SORCS3: variants seen among roughly 807,000 people sequenced by gnomAD.
The protein encoded by SORCS3 is VPS10 domain-containing receptor SorCS3.
A neutral mutation model predicts 146.3 loss-of-function variants in SORCS3; 57 were observed. That is an observed-to-expected ratio of 0.39 (90% CI 0.31 to 0.49). The LOEUF is 0.49. Among genes scored for constraint, SORCS3 ranks in the 20% least tolerant of loss-of-function variants. The pLI, the probability that SORCS3 is intolerant of heterozygous loss-of-function variation, is 0.92. For synonymous variants in SORCS3, 653 were observed against 618.5 expected (o/e 1.06, Z -0.83); for missense variants, 1,341 against 1,575.5 (o/e 0.85, Z 2.52).
At chr10:104,945,369 T>G (rs1183454215) in intron 3 of SORCS3, among the ~76,000 whole-genome samples, 2 of 152,094 alleles carry the variant, frequency 1.3e-5, no homozygotes, top group Non-Finnish European at 2.9e-5. Flanking sequence ...GTGATTCTCC[T>G]GCCTCAGCCT....
At chr10:104,960,541 T>C (rs1210993889) in intron 3 of SORCS3, among the ~76,000 whole-genome samples, 2 of 152,088 alleles carry the variant, frequency 1.3e-5, no homozygotes, top group Non-Finnish European at 2.9e-5. Flanking sequence ...ACCAACATGC[T>C]ATGCTCAGAT....
At chr10:104,937,241 G>A (rs2019269459) in intron 3 of SORCS3, among the ~76,000 whole-genome samples, 1 of 152,214 alleles carries the variant, frequency 6.6e-6, no homozygotes, top group Non-Finnish European at 1.5e-5. Flanking sequence ...CTCCTGCTGT[G>A]CAGCCCAGTT....
At chr10:104,689,294 C>T (rs187240226) in intron 1 of SORCS3, among the ~76,000 whole-genome samples, 1 of 152,324 alleles carries the variant, frequency 6.6e-6, no homozygotes, top group East Asian at 1.9e-4. Flanking sequence ...ACCTCTTCCT[C>T]CAGGAAGCCC....
chr10:104,961,159 T>G (rs2054793123), intron 3 of SORCS3, among the ~76,000 whole-genome samples: 1 of 152,194 alleles, frequency 6.6e-6, no homozygotes, highest in South Asian at 2.1e-4. Context: ...AATTCTGGGG[T>G]CCCACTGTGG....
At chr10:105,181,229 G>A (rs533456351) in intron 14 of SORCS3, among the ~76,000 whole-genome samples, 3 of 152,294 alleles carry the variant, frequency 2.0e-5, no homozygotes, top group East Asian at 3.9e-4. Flanking sequence ...TGTTGTGATT[G>A]TTGTGATTTT....
Position 105,178,136 on chromosome 10 carries a change from G to A in SORCS3, c.1972G>A (p.Ala658Thr). 1 of 1,613,610 alleles carries A rather than the reference G, an allele frequency of 6.2e-7. No homozygotes were observed. The highest frequency in any genetic ancestry group is 8.5e-7 in the Non-Finnish European group (1 of 1,179,768). ...FTSVPLFVDG[A>T]LVEAGMETHI... Reference sequence around the variant, plus strand: ...TTCGGTTCCTCTCTTTGTTGACGGGGCTCTGGTGGAGGCAGGAATGGAGAC... The same window carrying A: ...TTCGGTTCCTCTCTTTGTTGACGGGACTCTGGTGGAGGCAGGAATGGAGAC... Residue 658 changes from alanine (A) to threonine (T), a missense_variant, in exon 14 of 27, where the codon GCT becomes ACT. By Grantham distance (58) the Ala-to-Thr change is moderately conservative. Coordinates refer to ENST00000369701, the MANE Select transcript of SORCS3 (RefSeq NM_014978.3).
chr10:104,803,742 C>T (rs568324322), intron 1 of SORCS3, among the ~76,000 whole-genome samples: 213 of 152,158 alleles, frequency 1.4e-3, no homozygotes, highest in Non-Finnish European at 2.6e-3. Flanking sequence ...CACTCAAGCT[C>T]TCACTGCAGG....
chr10:104,919,566 G>A (rs1400260444), intron 3 of SORCS3, among the ~76,000 whole-genome samples: 1 of 151,974 alleles, frequency 6.6e-6, no homozygotes, highest in African/African-American at 2.4e-5. Flanking sequence ...GGTACATGCC[G>A]TAATCCCAGC....
rs767948007 is a variant in SORCS3, at chr10:104,843,420, G to A, written c.695+561G>A. Reference sequence around the variant, plus strand: ...ATTAAAAGGTCTGTTTTACCACTGCGTTGGTATAAAGACAACTACATTAAT... The same window carrying A: ...ATTAAAAGGTCTGTTTTACCACTGCATTGGTATAAAGACAACTACATTAAT... On this transcript the variant is annotated intron_variant, in intron 2 of 26. Coordinates refer to ENST00000369701, the MANE Select transcript of SORCS3 (RefSeq NM_014978.3). Among the ~76,000 whole-genome samples, 24 of 152,312 alleles carry A rather than the reference G, an allele frequency of 1.6e-4. No individual in the cohort carries two copies. The South Asian group carries it at 2.1e-3, about 13-fold the overall frequency.
At position 105,250,618 on chromosome 10, in the gene SORCS3, A is replaced by G. The variant is rs557125029; in HGVS notation, c.3106-2157A>G. Among the ~76,000 whole-genome samples the G allele has an allele frequency of 4.0e-5, 6 of 151,690 alleles. No individual in the cohort carries two copies. The East Asian group carries it at 9.7e-4, about 25-fold the overall frequency. On this transcript the variant is annotated intron_variant, in intron 22 of 26. Transcript: ENST00000369701. ...AAGGCACTAATAAGCTCACCACCCA[A>G]CCCTTCACTGCATTGGGTGGTTCTC...
intron 3 of SORCS3, among the ~76,000 whole-genome samples, chr10:104,949,946 T>G (rs1293650857): frequency 6.6e-6 from 1 of 152,216 alleles, no homozygotes; most frequent in Admixed American, 6.5e-5. Context: ...AGTAATAAGA[T>G]TTGATTTACA....
intron 3 of SORCS3, among the ~76,000 whole-genome samples, chr10:104,916,505 T>G (rs1221559639): frequency 6.6e-6 from 1 of 152,184 alleles, no homozygotes; most frequent in Admixed American, 6.5e-5. Context: ...GCTTCTCTGC[T>G]TTCCTCTTGA....
chr10:105,017,090 T>A (rs1181790677), intron 4 of SORCS3, among the ~76,000 whole-genome samples: 4 of 152,202 alleles, frequency 2.6e-5, no homozygotes, highest in African/African-American at 9.6e-5. Context: ...ATGCTAGTAA[T>A]ATTTCCTTCT....
chr10:104,957,519 G>T (rs1051660255), intron 3 of SORCS3, among the ~76,000 whole-genome samples: 1 of 151,370 alleles, frequency 6.6e-6, no homozygotes, highest in East Asian at 1.9e-4. Flanking sequence ...GGTTTGTGTG[G>T]TATTGTTTTC....
intron 4 of SORCS3, 32 bp downstream of exon 4, chr10:104,977,525 T>C: frequency 1.3e-6 from 2 of 1,558,782 alleles, no homozygotes; most frequent in South Asian, 1.2e-5. Flanking sequence ...TTACTTCTTG[T>C]CATCCAGGTA....
At chr10:105,080,820 C>T (rs1338375660) in intron 5 of SORCS3, among the ~76,000 whole-genome samples, 1 of 152,038 alleles carries the variant, frequency 6.6e-6, no homozygotes, top group Non-Finnish European at 1.5e-5. Flanking sequence ...AGACATAGAC[C>T]AATGAAACAG....
intron 20 of SORCS3, among the ~76,000 whole-genome samples, chr10:105,243,377 G>C (rs1333583203): frequency 1.3e-5 from 2 of 152,136 alleles, no homozygotes; most frequent in African/African-American, 2.4e-5. Flanking sequence ...TCAAGTCACT[G>C]TTCTAATTAT....
intron 1 of SORCS3, among the ~76,000 whole-genome samples, chr10:104,736,162 A>G (rs781679681): frequency 2.6e-5 from 4 of 152,166 alleles, no homozygotes; most frequent in Non-Finnish European, 5.9e-5. Context: ...TAAATTTGTC[A>G]TCCTAATTCT....
intron 1 of SORCS3, among the ~76,000 whole-genome samples, chr10:104,813,933 T>C (rs1039823967): frequency 2.1e-4 from 32 of 150,258 alleles, no homozygotes; most frequent in South Asian, 4.2e-4. Context: ...TTCTTTCTTT[T>C]TTTTTTTTTT....
Sources: allele counts gnomAD v4.1 joint callset (sites outside exome capture counted in the v4.1 genomes callset), GRCh38; gene constraint gnomAD v4.1.1; transcripts MANE v1.5; gene names NCBI Gene and HGNC (gene_info 2026-07-23, HGNC 2026-07-21).